RNASE10: variants seen among roughly 807,000 people sequenced by gnomAD.
The protein encoded by RNASE10 is inactive ribonuclease-like protein 10.
A neutral mutation model predicts 1.1 loss-of-function variants in RNASE10; 2 were observed. The observed-to-expected ratio is 1.82, with a 90% CI of 0.74 to 5.73. RNASE10 has a LOEUF of 5.73. Ranked by LOEUF, RNASE10 falls within the 30% of genes most tolerant of loss-of-function variation. RNASE10 has a pLI of 0.05. For synonymous variants in RNASE10, 97 were observed against 96.2 expected (o/e 1.01, Z -0.05); for missense variants, 276 against 263.4 (o/e 1.05, Z -0.33).
intron 1 of RNASE10, among the ~76,000 whole-genome samples, chr14:20,507,333 GA>G (rs1301460213): frequency 7.5e-6 from 1 of 133,040 alleles, no homozygotes; most frequent in African/African-American, 3.0e-5. Flanking sequence ...TGTGCTCTCT[GA>G]AACATGTGCT....
downstream of RNASE10, among the ~76,000 whole-genome samples, chr14:20,513,651 A>G (rs980586259): frequency 6.6e-6 from 1 of 152,222 alleles, no homozygotes; most frequent in Non-Finnish European, 1.5e-5. Flanking sequence ...CTATGTGACC[A>G]TTACATATTT....
chr14:20,506,223 G>A (rs1882709937), intron 1 of RNASE10, among the ~76,000 whole-genome samples: 5 of 132,912 alleles, frequency 3.8e-5, no homozygotes, highest in East Asian at 4.7e-4. Context: ...CGCCCCGTCC[G>A]GGAGGTGAGG....
At chr14:20,513,651 A>T (rs980586259), downstream of RNASE10, among the ~76,000 whole-genome samples, 3 of 152,222 alleles carry the variant, frequency 2.0e-5, no homozygotes, top group African/African-American at 7.2e-5. Context: ...CTATGTGACC[A>T]TTACATATTT....
chr14:20,508,140 G>A (rs1310824380), intron 1 of RNASE10, among the ~76,000 whole-genome samples: 1 of 152,138 alleles, frequency 6.6e-6, no homozygotes, highest in African/African-American at 2.4e-5. Context: ...GCATTTGAGA[G>A]TATATTGCAT....
At chr14:20,507,668 T>C (rs1322246553) in intron 1 of RNASE10, among the ~76,000 whole-genome samples, 1 of 151,588 alleles carries the variant, frequency 6.6e-6, no homozygotes, top group Non-Finnish European at 1.5e-5. Context: ...AATGTGATAA[T>C]AATTCATGGA....
At chr14:20,509,971 G>C (rs867486840) in intron 1 of RNASE10, among the ~76,000 whole-genome samples, 12 of 92,962 alleles carry the variant, frequency 1.3e-4, no homozygotes, top group Admixed American at 5.2e-4. Flanking sequence ...AAAAAAAAAA[G>C]AGCTGGGCAT....
intron 1 of RNASE10, among the ~76,000 whole-genome samples, chr14:20,506,556 G>A (rs1272225632): frequency 2.7e-5 from 3 of 110,126 alleles, no homozygotes; most frequent in South Asian, 3.3e-4. Flanking sequence ...CTGCCCGGCC[G>A]CCCCTACTGG....
chr14:20,507,257 T>C (rs1882766888), intron 1 of RNASE10, among the ~76,000 whole-genome samples: 1 of 140,164 alleles, frequency 7.1e-6, no homozygotes, highest in South Asian at 2.4e-4. Flanking sequence ...CTTTTCATTT[T>C]GTTCTGTACT....
At chr14:20,511,176 ACTT>A (rs1165865038), downstream of RNASE10, 19 of 1,312,206 alleles carry the variant, frequency 1.4e-5, no homozygotes, top group South Asian at 3.6e-5. Flanking sequence ...TTCCTTTTTT[ACTT>A]CTTCTTTCTC....
At chr14:20,511,021 G>C in exon 2 of RNASE10, 12 of 1,578,850 alleles carry the variant, frequency 7.6e-6, no homozygotes, top group Non-Finnish European at 7.8e-6. Flanking sequence ...GTCCCAACCA[G>C]ACCAGGTCAC....
At chr14:20,507,052 G>A (rs1422707907) in intron 1 of RNASE10, among the ~76,000 whole-genome samples, 406 of 149,712 alleles carry the variant, frequency 2.7e-3, no homozygotes, top group East Asian at 0.019. Context: ...GCCTCTGCCC[G>A]GCCGCCCCTA....
Position 20,505,638 on chromosome 14 carries a change from T to A in RNASE10, c.-303T>A, listed in dbSNP as rs1311434682. ...GTGCTCAATGGTGCCCAGGCTGGAGTGCAGTGGCGTGATCTCAGCTCGCTA... is the reference window on the plus strand; with the variant it reads ...GTGCTCAATGGTGCCCAGGCTGGAGAGCAGTGGCGTGATCTCAGCTCGCTA... On this transcript the variant is annotated 5_prime_UTR_variant, in exon 1 of 2. Coordinates refer to ENST00000430083, the Ensembl canonical transcript of RNASE10. The A allele has an allele frequency of 7.8e-5, 7 of 89,722 alleles. 2 individuals carry two copies. Among genetic ancestry groups the A allele is most frequent in the South Asian group, 3.3e-4 (1 of 3,022 alleles). The allele number at this position is 89,722 out of a possible 1,614,324, so 5.6% of individuals were successfully genotyped here.
At chr14:20,512,886 GA>G (rs577675403), downstream of RNASE10, among the ~76,000 whole-genome samples, 156 of 152,250 alleles carry the variant, frequency 1.0e-3, no homozygotes, top group African/African-American at 3.5e-3. Flanking sequence ...AGGTAAGGGG[GA>G]AAAAATGAGA....
downstream of RNASE10, among the ~76,000 whole-genome samples, chr14:20,512,145 T>C (rs1189795809): frequency 6.6e-6 from 1 of 152,164 alleles, no homozygotes; most frequent in African/African-American, 2.4e-5. Flanking sequence ...CCAGTAGATG[T>C]GGGATGAATG....
chr14:20,510,585 T>C, exon 2 of RNASE10: 2 of 1,614,100 alleles, frequency 1.2e-6, no homozygotes, highest in Non-Finnish European at 8.5e-7. Context: ...AGGAGAGTGA[T>C]CAACCGCTCA....
rs770284563 is a variant in RNASE10 at position 20,510,576 on chromosome 14, G to A, written c.189G>A (p.Glu63=). 3 of 1,614,214 alleles carry A rather than the reference G, an allele frequency of 1.9e-6. No individual in the cohort carries two copies. In the South Asian group the frequency reaches 3.3e-5, roughly 18 times the overall value. The change falls in exon 2 of 2, where the codon GAG becomes GAA. Residue 63 remains glutamate, a synonymous_variant. Transcript: ENST00000430083. ...TTCATATGGCTACAGCAGTCTTGGA[G>A]GAGAGTGATCAACCGCTCAATGAAT...
intron 1 of RNASE10, among the ~76,000 whole-genome samples, chr14:20,508,158 G>T (rs1389511947): frequency 6.6e-6 from 1 of 151,952 alleles, no homozygotes; most frequent in Non-Finnish European, 1.5e-5. Context: ...CATATGTTGT[G>T]CTCTTTTCCT....
chr14:20,509,814 A>C (rs1422480747), intron 1 of RNASE10, among the ~76,000 whole-genome samples: 1 of 152,120 alleles, frequency 6.6e-6, no homozygotes, highest in African/African-American at 2.4e-5. Context: ...GTTATTTGGC[A>C]CAAATTTCTG....
chr14:20,506,531 A>T (rs1882725362), intron 1 of RNASE10, among the ~76,000 whole-genome samples: 1 of 113,516 alleles, frequency 8.8e-6, no homozygotes, highest in Non-Finnish European at 1.8e-5. Flanking sequence ...CCTATCCAGG[A>T]GGTGAGGGGC....
Sources: allele counts gnomAD v4.1 joint callset (sites outside exome capture counted in the v4.1 genomes callset), GRCh38; gene constraint gnomAD v4.1.1; transcripts MANE v1.5; gene names NCBI Gene and HGNC (gene_info 2026-07-23, HGNC 2026-07-21).